The following TEKT3 variants were observed in gnomAD, a reference collection of about 807,000 sequenced individuals.
The protein encoded by TEKT3 is tektin-3.
In TEKT3, 49 loss-of-function variants were observed where a neutral mutation model predicts 49.8. That is an observed-to-expected ratio of 0.98 (90% confidence interval 0.78 to 1.25). The LOEUF is 1.25. TEKT3 is among the 50% of genes most tolerant of loss of function. The pLI, the probability that TEKT3 is intolerant of heterozygous loss-of-function variation, is 0.00. For missense variants in TEKT3, 595 were observed against 629.5 expected (o/e 0.95, Z 0.59); for synonymous variants, 225 against 237.2 (o/e 0.95, Z 0.47).
intron 6 of TEKT3, 77 bp downstream of exon 6, chr17:15,314,010 C>A: frequency 6.3e-7 from 1 of 1,598,750 alleles, no homozygotes; most frequent in Non-Finnish European, 8.6e-7. Flanking sequence ...CCATTTTAAC[C>A]TGTAAGCTGT....
chr17:15,313,709 A>C (rs1326545014), intron 6 of TEKT3, among the ~76,000 whole-genome samples: 2 of 151,984 alleles, frequency 1.3e-5, no homozygotes, highest in Admixed American at 1.3e-4. Context: ...GGGTTTCACC[A>C]TGTTCGTCAG....
intron 2 of TEKT3, among the ~76,000 whole-genome samples, chr17:15,333,712 C>T (rs192659787): frequency 2.7e-4 from 38 of 141,258 alleles, no homozygotes; most frequent in South Asian, 1.2e-3. Context: ...ACCACTCCTA[C>T]TTGGCTTTGG....
chr17:15,318,224 C>A (rs890350095), intron 5 of TEKT3, among the ~76,000 whole-genome samples: 5 of 151,910 alleles, frequency 3.3e-5, no homozygotes, highest in African/African-American at 1.2e-4. Context: ...CTCCTGACAT[C>A]GTGATCTGCC....
chr17:15,330,093 C>T (rs750192846), intron 3 of TEKT3, among the ~76,000 whole-genome samples: 6 of 152,062 alleles, frequency 3.9e-5, no homozygotes, highest in Non-Finnish European at 8.8e-5. Context: ...ATCTCAGCAC[C>T]ATTTTTCTAT....
At chr17:15,312,008 G>A (rs934707529) in intron 7 of TEKT3, among the ~76,000 whole-genome samples, 1 of 152,156 alleles carries the variant, frequency 6.6e-6, no homozygotes, top group African/African-American at 2.4e-5. Context: ...TTCTATTAAA[G>A]ACTAAGAACT....
intron 4 of TEKT3, among the ~76,000 whole-genome samples, chr17:15,319,857 T>C (rs543025762): frequency 3.9e-4 from 60 of 152,364 alleles, no homozygotes; most frequent in African/African-American, 1.4e-3. Flanking sequence ...TAGCACATTA[T>C]GTATGCACAT....
At chr17:15,332,502 C>G (rs770605237) in intron 2 of TEKT3, among the ~76,000 whole-genome samples, 3 of 152,154 alleles carry the variant, frequency 2.0e-5, no homozygotes, top group Non-Finnish European at 4.4e-5. Flanking sequence ...CAGGGAATTG[C>G]TTGGCAACTC....
intron 4 of TEKT3, among the ~76,000 whole-genome samples, chr17:15,321,911 G>C (rs182696610): frequency 6.6e-6 from 1 of 152,344 alleles, no homozygotes; most frequent in Admixed American, 6.5e-5. Flanking sequence ...TCACCTCTTG[G>C]GAGGTGGGGC....
chr17:15,315,025 C>T (rs1910940026), intron 5 of TEKT3, among the ~76,000 whole-genome samples: 1 of 152,108 alleles, frequency 6.6e-6, no homozygotes, highest in African/African-American at 2.4e-5. Flanking sequence ...ATACTTCATT[C>T]GACAAATAAT....
At chr17:15,341,842 T>TCTC (rs1392622630), upstream of TEKT3, among the ~76,000 whole-genome samples, 1 of 152,074 alleles carries the variant, frequency 6.6e-6, no homozygotes, top group African/African-American at 2.4e-5. Context: ...GTGAAAGGGG[T>TCTC]GAAGAGTAGC....
At chr17:15,339,589 A>C (rs1912139881) in intron 2 of TEKT3, among the ~76,000 whole-genome samples, 1 of 152,218 alleles carries the variant, frequency 6.6e-6, no homozygotes, top group South Asian at 2.1e-4. Context: ...CTGGGTAAAC[A>C]TTTTATTAGC....
intron 8 of TEKT3, among the ~76,000 whole-genome samples, chr17:15,307,632 C>T (rs1168953363): frequency 6.6e-6 from 1 of 152,142 alleles, no homozygotes; most frequent in Non-Finnish European, 1.5e-5. Flanking sequence ...TGTCTCAAAC[C>T]ACCACTTATT....
At chr17:15,314,855 G>A (rs967660023) in intron 5 of TEKT3, among the ~76,000 whole-genome samples, 1 of 152,066 alleles carries the variant, frequency 6.6e-6, no homozygotes, top group Non-Finnish European at 1.5e-5. Context: ...GGTCCACCCA[G>A]GCTCACACAC....
intron 2 of TEKT3, among the ~76,000 whole-genome samples, chr17:15,337,963 A>G (rs1912058410): frequency 1.3e-5 from 2 of 152,224 alleles, no homozygotes; most frequent in Non-Finnish European, 2.9e-5. Flanking sequence ...AACAAGAAAT[A>G]TTATCGGAGA....
At chr17:15,307,692 G>T (rs766136611) in intron 8 of TEKT3, among the ~76,000 whole-genome samples, 1 of 151,958 alleles carries the variant, frequency 6.6e-6, no homozygotes, top group African/African-American at 2.4e-5. Flanking sequence ...GAATTTTATC[G>T]TGGAAGCAGA....
In TEKT3 at chr17:15,314,122, G is replaced by A. The variant is rs200743438; in HGVS notation, c.843C>T (p.Val281=). The A allele has an allele frequency of 8.4e-5, 136 of 1,614,204 alleles. No homozygotes were observed. Among genetic ancestry groups the A allele is most frequent in the Middle Eastern group, 4.9e-4 (3 of 6,062 alleles). Residue 281 remains valine (V), a synonymous_variant, in exon 6 of 9, where the codon GTC becomes GTT. Transcript: ENST00000395930. ...CHHLRNTSDG[V]GYFRGVERVD... ...CCCTCTCCACTCCGCGGAAGTAGCCGACACCGTCTGATGTGTTGCGCAGGT... is the reference window on the plus strand; with the variant it reads ...CCCTCTCCACTCCGCGGAAGTAGCCAACACCGTCTGATGTGTTGCGCAGGT...
intron 4 of TEKT3, among the ~76,000 whole-genome samples, chr17:15,324,141 A>G (rs1191391856): frequency 1.3e-5 from 2 of 152,152 alleles, no homozygotes; most frequent in African/African-American, 4.8e-5. Context: ...AAACCTACTT[A>G]TAGTCTCTAT....
intron 8 of TEKT3, among the ~76,000 whole-genome samples, chr17:15,306,093 G>GTGTGTGTT (rs1910539636): frequency 7.1e-6 from 1 of 141,196 alleles, no homozygotes. Flanking sequence ...ATATATATGT[G>GTGTGTGTT]TGTGTGTGTG....
At chr17:15,326,149 G>A (rs1002025275) in intron 4 of TEKT3, among the ~76,000 whole-genome samples, 2 of 152,174 alleles carry the variant, frequency 1.3e-5, no homozygotes, top group African/African-American at 2.4e-5. Flanking sequence ...TGTAAGTGAT[G>A]TTAAAGCAGG....
Sources: allele counts gnomAD v4.1 joint callset (sites outside exome capture counted in the v4.1 genomes callset), GRCh38; gene constraint gnomAD v4.1.1; transcripts MANE v1.5; gene names NCBI Gene and HGNC (gene_info 2026-07-23, HGNC 2026-07-21).